The following DPP10 variants were observed in gnomAD, a reference collection of about 807,000 sequenced individuals.
DPP10 encodes inactive dipeptidyl peptidase 10.
In DPP10, 33 loss-of-function variants were observed where a neutral mutation model predicts 120.9. That is an observed-to-expected ratio of 0.27 (90% CI 0.21 to 0.37). DPP10 has a LOEUF of 0.37. DPP10 is among the 10% of genes least tolerant of loss of function. The pLI, the probability that DPP10 is intolerant of heterozygous loss-of-function variation, is 1.00. For synonymous variants in DPP10, 337 were observed against 326.1 expected (o/e 1.03, Z -0.36); for missense variants, 816 against 942.8 (o/e 0.87, Z 1.76).
At chr2:115,221,718 A>G (rs902103017) in intron 1 of DPP10, among the ~76,000 whole-genome samples, 2 of 151,102 alleles carry the variant, frequency 1.3e-5, no homozygotes, top group Non-Finnish European at 2.9e-5. Flanking sequence ...CATCTTGGGC[A>G]AAATTAGAGC....
intron 1 of DPP10, among the ~76,000 whole-genome samples, chr2:114,839,137 T>C (rs1010484444): frequency 1.3e-5 from 2 of 152,212 alleles, no homozygotes; most frequent in African/African-American, 4.8e-5. Flanking sequence ...TTGCCTGCTT[T>C]ATCTTAGCAA....
Position 114,834,664 on chromosome 2 carries a change from A to G in DPP10, c.60+391826A>G, listed in dbSNP as rs1295013747. On this transcript the variant is annotated intron_variant, in intron 1 of 25. Transcript: ENST00000410059. ...TATCTACACACCTATGTATATATAT[A>G]GGCCATATCTACACACCTATGTATA... 1.6e-5 allele frequency among the ~76,000 whole-genome samples: 2 copies of G among 127,150 alleles called. 1 individual carries two copies. The highest frequency in any genetic ancestry group is 3.3e-5 in the Non-Finnish European group (2 of 60,624). The allele number at this position is 127,150 out of a possible 152,430, so 83.4% of individuals were successfully genotyped here.
At chr2:114,516,959 G>A (rs890893916) in intron 1 of DPP10, among the ~76,000 whole-genome samples, 3 of 152,094 alleles carry the variant, frequency 2.0e-5, no homozygotes, top group Non-Finnish European at 4.4e-5. Flanking sequence ...CTTATGTTGA[G>A]GTTATAGCAA....
At chr2:114,898,853 A>G (rs1693291171) in intron 1 of DPP10, among the ~76,000 whole-genome samples, 1 of 152,140 alleles carries the variant, frequency 6.6e-6, no homozygotes, top group Admixed American at 6.5e-5. Flanking sequence ...TCTTTGCACC[A>G]ATTTTCCCAA....
At chr2:115,729,903 T>G (rs186154160) in intron 8 of DPP10, among the ~76,000 whole-genome samples, 133 of 152,244 alleles carry the variant, frequency 8.7e-4, no homozygotes, top group African/African-American at 2.9e-3. Flanking sequence ...TAAGCAGATG[T>G]AACAATTTGC....
chr2:114,637,813 C>A (rs937644977), intron 1 of DPP10, among the ~76,000 whole-genome samples: 2 of 151,694 alleles, frequency 1.3e-5, no homozygotes, highest in Non-Finnish European at 2.9e-5. Flanking sequence ...GGTCTTATTT[C>A]TAGGTTTTCC....
At chr2:115,675,770 T>C (rs1475694989) in intron 5 of DPP10, among the ~76,000 whole-genome samples, 1 of 152,114 alleles carries the variant, frequency 6.6e-6, no homozygotes, top group Non-Finnish European at 1.5e-5. Flanking sequence ...TAATGCTAGA[T>C]CACCTTCACT....
chr2:115,386,071 C>CACCTT (rs1333520293), intron 3 of DPP10, among the ~76,000 whole-genome samples: 2 of 152,006 alleles, frequency 1.3e-5, no homozygotes, highest in Non-Finnish European at 2.9e-5. Context: ...GGTGTTTAGG[C>CACCTT]AATTTATATA....
chr2:114,453,296 G>T (rs1678386793), intron 1 of DPP10, among the ~76,000 whole-genome samples: 1 of 152,104 alleles, frequency 6.6e-6, no homozygotes, highest in Non-Finnish European at 1.5e-5. Flanking sequence ...TATAGCAGAG[G>T]CTTCTTTGAT....
chr2:114,994,099 G>A (rs1440878548), intron 1 of DPP10, among the ~76,000 whole-genome samples: 2 of 152,050 alleles, frequency 1.3e-5, no homozygotes, highest in Non-Finnish European at 2.9e-5. Flanking sequence ...ACCCAATTCT[G>A]TATGTATTCT....
intron 1 of DPP10, among the ~76,000 whole-genome samples, chr2:114,547,354 G>T (rs949696941): frequency 6.6e-6 from 1 of 152,186 alleles, no homozygotes; most frequent in Non-Finnish European, 1.5e-5. Flanking sequence ...GGCATGGGAG[G>T]CATCGGGGTT....
intron 1 of DPP10, among the ~76,000 whole-genome samples, chr2:114,933,238 C>T (rs1207276574): frequency 1.3e-5 from 2 of 152,118 alleles, no homozygotes; most frequent in Admixed American, 6.6e-5. Flanking sequence ...TATGATAGAT[C>T]CAGTAGGATT....
At chr2:115,662,822 C>T (rs564484386) in intron 5 of DPP10, among the ~76,000 whole-genome samples, 16 of 151,830 alleles carry the variant, frequency 1.1e-4, no homozygotes, top group South Asian at 2.1e-4. Flanking sequence ...AAAGGACACC[C>T]GAAGATATAT....
chr2:115,078,377 T>C (rs1221531020), intron 1 of DPP10, among the ~76,000 whole-genome samples: 1 of 152,206 alleles, frequency 6.6e-6, no homozygotes, highest in Non-Finnish European at 1.5e-5. Flanking sequence ...AAATTTGTTA[T>C]TCAAAAAAGA....
chr2:115,433,640 G>T (rs1171049293), intron 3 of DPP10, among the ~76,000 whole-genome samples: 5 of 151,776 alleles, frequency 3.3e-5, no homozygotes, highest in African/African-American at 1.2e-4. Context: ...TTTAAAAATA[G>T]AACATCAGGC....
chr2:115,137,733 T>A (rs1305855569), intron 1 of DPP10, among the ~76,000 whole-genome samples: 1 of 152,172 alleles, frequency 6.6e-6, no homozygotes. Flanking sequence ...GAACTCCAAC[T>A]ATGAAGGCCT....
chr2:115,610,077 CTG>C (rs1011966605), intron 5 of DPP10, among the ~76,000 whole-genome samples: 157 of 152,178 alleles, frequency 1.0e-3, no homozygotes, highest in African/African-American at 3.7e-3. Context: ...AGTGTGTGAA[CTG>C]AGTCTCTCAT....
chr2:114,512,947 G>C (rs1246116065), intron 1 of DPP10, among the ~76,000 whole-genome samples: 1 of 152,082 alleles, frequency 6.6e-6, no homozygotes, highest in African/African-American at 2.4e-5. Context: ...ATCATTGACT[G>C]AACATTTGAC....
intron 1 of DPP10, among the ~76,000 whole-genome samples, chr2:114,736,266 G>A (rs1275517156): frequency 2.0e-5 from 3 of 151,892 alleles, no homozygotes; most frequent in African/African-American, 4.8e-5. Context: ...CCTCCTCCCA[G>A]ATATATGATA....
Sources: allele counts gnomAD v4.1 joint callset (sites outside exome capture counted in the v4.1 genomes callset), GRCh38; gene constraint gnomAD v4.1.1; transcripts MANE v1.5; gene names NCBI Gene and HGNC (gene_info 2026-07-23, HGNC 2026-07-21).